NFATC3: variants seen among roughly 807,000 people sequenced by gnomAD.
NFATC3 encodes the protein nuclear factor of activated T-cells, cytoplasmic 3.
In NFATC3, 46 loss-of-function variants were observed where a neutral mutation model predicts 98.6. The ratio of observed to expected loss-of-function variants is 0.47; its 90% CI spans 0.37 to 0.60. The LOEUF is 0.60. Ranked by LOEUF, NFATC3 falls within the 20% of genes least tolerant of loss-of-function variation. The pLI is 0.00. For synonymous variants in NFATC3, 512 were observed against 472.2 expected, an observed-to-expected ratio of 1.08 and a Z score of -1.09; for missense variants, 1,256 against 1,295.5, an observed-to-expected ratio of 0.97 and a Z score of 0.47.
At chr16:68,195,737 G>A (rs2040639522) in intron 9 of NFATC3, among the ~76,000 whole-genome samples, 1 of 152,134 alleles carries the variant, frequency 6.6e-6, no homozygotes, top group Non-Finnish European at 1.5e-5. Flanking sequence ...GAACCCAAGA[G>A]GCGGAGCTTG....
chr16:68,117,879 G>T (rs992837443), intron 1 of NFATC3, among the ~76,000 whole-genome samples: 2 of 152,160 alleles, frequency 1.3e-5, no homozygotes, highest in African/African-American at 4.8e-5. Flanking sequence ...TACTTGGTAG[G>T]TACTGGAGAT....
At chr16:68,163,272 G>A (rs1321041812) in intron 4 of NFATC3, among the ~76,000 whole-genome samples, 1 of 152,024 alleles carries the variant, frequency 6.6e-6, no homozygotes, top group Non-Finnish European at 1.5e-5. Context: ...CAGACGGGGT[G>A]GTGGCCGGGC....
At chr16:68,178,650 A>T (rs2039823088) in intron 6 of NFATC3, among the ~76,000 whole-genome samples, 1 of 152,222 alleles carries the variant, frequency 6.6e-6, no homozygotes, top group African/African-American at 2.4e-5. Flanking sequence ...GTATCAAGTC[A>T]TCAAGAAAGG....
At chr16:68,121,242 C>CTTTTTTTTTTTTTTTT (rs753615194) in intron 1 of NFATC3, among the ~76,000 whole-genome samples, 30 of 102,338 alleles carry the variant, frequency 2.9e-4, no homozygotes, top group Non-Finnish European at 3.4e-4. Context: ...CTTTTCTTTT[C>CTTTTTTTTTTTTTTTT]TTTTTTTTTT....
chr16:68,093,310 T>C (rs2034829307), intron 1 of NFATC3, among the ~76,000 whole-genome samples: 1 of 149,278 alleles, frequency 6.7e-6, no homozygotes. Flanking sequence ...GTGATACTGC[T>C]AAAAAGCATA....
chr16:68,166,752 T>C lies in NFATC3; in HGVS notation c.1602-91T>C, dbSNP rs1376699996. 17 of 1,070,850 alleles carry C rather than the reference T, an allele frequency of 1.6e-5. No homozygotes were observed. The Admixed American group carries it at 4.1e-4, about 26-fold the overall frequency. The allele number at this position is 1,070,850 out of a possible 1,614,324, so 66.3% of individuals were successfully genotyped here. On this transcript the variant is annotated intron_variant, in intron 4 of 9. Transcript: ENST00000346183. The stretch of plus-strand genomic sequence containing the variant: ...TTTTGACCTAATTTTGGGTAGTTTT[T>C]TTCTGACAAATTAACAATTTCTATG...
chr16:68,143,674 C>T lies in NFATC3; in HGVS notation c.1402-14195C>T, dbSNP rs139204281. Among the ~76,000 whole-genome samples the T allele has an allele frequency of 2.0e-5, 3 of 152,156 alleles. No homozygotes were observed. In the East Asian group the frequency reaches 5.8e-4, roughly 29 times the overall value. ...GGCCAACCTGGCCAATATAATGAAGCCCCATCTCTACTAAAAAATAACAAA... is the reference window on the plus strand; with the variant it reads ...GGCCAACCTGGCCAATATAATGAAGTCCCATCTCTACTAAAAAATAACAAA... On this transcript the variant is annotated intron_variant, in intron 3 of 9. Coordinates refer to ENST00000346183, the MANE Select transcript of NFATC3 (RefSeq NM_173165.3).
intron 1 of NFATC3, among the ~76,000 whole-genome samples, chr16:68,120,224 G>A (rs2036498847): frequency 6.7e-6 from 1 of 150,120 alleles, no homozygotes; most frequent in Non-Finnish European, 1.5e-5. Flanking sequence ...AGGCAGCAGT[G>A]AGCTATGAGT....
chr16:68,094,224 C>A (rs771423180), intron 1 of NFATC3, among the ~76,000 whole-genome samples: 7 of 152,044 alleles, frequency 4.6e-5, no homozygotes, highest in Non-Finnish European at 2.9e-5. Flanking sequence ...TCTTTGGCAG[C>A]CCCCCTCTCC....
intron 9 of NFATC3, 159 bp downstream of exon 9, chr16:68,191,934 G>T: frequency 1.3e-6 from 1 of 789,744 alleles, no homozygotes; most frequent in Non-Finnish European, 2.0e-6. Context: ...ACTTTGCCAG[G>T]TACCACGGCT....
intron 1 of NFATC3, among the ~76,000 whole-genome samples, chr16:68,117,568 C>T (rs975614099): frequency 1.2e-4 from 18 of 152,244 alleles, no homozygotes; most frequent in East Asian, 3.9e-4. Context: ...AGTGCAATGG[C>T]GCTATCTTGG....
Position 68,191,276 on chromosome 16 carries a change from A to G in NFATC3, c.2607A>G (p.Thr869=). 6.2e-7 allele frequency: 1 copy of G among 1,614,056 alleles called. No individual in the cohort carries two copies. Among genetic ancestry groups the G allele is most frequent in the Non-Finnish European group, 8.5e-7 (1 of 1,180,010 alleles). ...CAACAGGACATCTCTTAGCCCATAC[A>G]CCTCATTCTGTGCATACCCTGCCTC... is the stretch of plus-strand genomic sequence containing the variant. ...SGSTGHLLAH[T]PHSVHTLPHL... is the part of the protein sequence containing the mutation. The change falls in exon 9 of 10, where the codon ACA becomes ACG. Residue 869 remains threonine (T), a synonymous_variant. Coordinates refer to ENST00000346183, the MANE Select transcript of NFATC3 (RefSeq NM_173165.3).
At chr16:68,212,785 C>CTTTTTTTTTTT (rs534732425) in intron 9 of NFATC3, 3 of 106,934 alleles carry the variant, frequency 2.8e-5, no homozygotes, top group African/African-American at 3.8e-5. Flanking sequence ...ATTTCTTTCT[C>CTTTTTTTTTTT]TTTTTTTTTT....
intron 6 of NFATC3, among the ~76,000 whole-genome samples, chr16:68,176,825 C>T (rs990352345): frequency 1.3e-5 from 2 of 151,922 alleles, no homozygotes; most frequent in African/African-American, 4.8e-5. Flanking sequence ...CTTCTTTTTC[C>T]ATTCATTAAC....
intron 5 of NFATC3, among the ~76,000 whole-genome samples, chr16:68,170,773 G>T (rs1355813441): frequency 6.6e-6 from 1 of 152,094 alleles, no homozygotes; most frequent in Non-Finnish European, 1.5e-5. Context: ...GATTACAGGC[G>T]TAAGCCACTG....
At chr16:68,160,669 C>T (rs912707124) in intron 4 of NFATC3, among the ~76,000 whole-genome samples, 6 of 151,974 alleles carry the variant, frequency 3.9e-5, no homozygotes, top group Middle Eastern at 3.4e-3. Flanking sequence ...AGGCAGACAG[C>T]TAGCTGATAA....
intron 1 of NFATC3, among the ~76,000 whole-genome samples, chr16:68,104,868 A>G (rs1048001723): frequency 1.3e-5 from 2 of 151,660 alleles, no homozygotes; most frequent in African/African-American, 4.8e-5. Flanking sequence ...GTTAGCCAGG[A>G]TGGTCTTGAT....
chr16:68,192,424 C>G (rs750643544), intron 9 of NFATC3, among the ~76,000 whole-genome samples: 1 of 150,326 alleles, frequency 6.7e-6, no homozygotes, highest in Non-Finnish European at 1.5e-5. Flanking sequence ...TTGCTGAATA[C>G]GAGATCTTTT....
At chr16:68,168,784 C>T (rs1014234407) in intron 5 of NFATC3, among the ~76,000 whole-genome samples, 5 of 152,038 alleles carry the variant, frequency 3.3e-5, no homozygotes, top group Non-Finnish European at 7.4e-5. Context: ...GCACCCAGCC[C>T]TGTATTCTTA....
Sources: gnomAD v4.1 joint callset for allele counts (sites outside exome capture counted in the v4.1 genomes callset) on GRCh38, gnomAD v4.1.1 for gene constraint, MANE v1.5 for transcripts, NCBI Gene and HGNC (gene_info 2026-07-23, HGNC 2026-07-21) for gene names.